The following GRM8 variants were observed in gnomAD, a reference collection of about 807,000 sequenced individuals.
GRM8 encodes the protein metabotropic glutamate receptor 8.
GRM8 carries 47 observed loss-of-function variants against 87.2 expected under a neutral mutation model. The ratio of observed to expected loss-of-function variants is 0.54; its 90% confidence interval spans 0.43 to 0.69. The LOEUF (loss-of-function observed/expected upper bound fraction) is 0.69, where lower values mean the gene tolerates loss of function less well. Ranked by LOEUF, GRM8 falls within the 30% of genes least tolerant of loss-of-function variation. GRM8 has a pLI of 0.00. For missense variants in GRM8, 1,019 were observed against 1,139.2 expected, an observed-to-expected ratio of 0.89 and a Z score of 1.52; for synonymous variants, 396 against 404.5, an observed-to-expected ratio of 0.98 and a Z score of 0.25.
At chr7:126,858,694 A>G (rs543514704) in intron 6 of GRM8, among the ~76,000 whole-genome samples, 47 of 152,288 alleles carry the variant, frequency 3.1e-4, no homozygotes, top group African/African-American at 1.1e-3. Context: ...GCCCTGCAAG[A>G]AAAGCAACGC....
chr7:126,597,175 G>A (rs1000398410), intron 8 of GRM8, among the ~76,000 whole-genome samples: 1 of 152,090 alleles, frequency 6.6e-6, no homozygotes, highest in Non-Finnish European at 1.5e-5. Flanking sequence ...AGTTTAGGAG[G>A]ATCCTAGCTT....
intron 3 of GRM8, among the ~76,000 whole-genome samples, chr7:127,070,186 G>C (rs1821534468): frequency 6.6e-6 from 1 of 152,080 alleles, no homozygotes. Flanking sequence ...ATTTGTACTT[G>C]AAATATTCTA....
At chr7:126,570,431 T>C (rs543313821) in intron 8 of GRM8, among the ~76,000 whole-genome samples, 12 of 152,188 alleles carry the variant, frequency 7.9e-5, no homozygotes, top group East Asian at 1.9e-4. Context: ...CCAGCTGCAA[T>C]AGCCTACTTC....
intron 6 of GRM8, among the ~76,000 whole-genome samples, chr7:126,872,170 T>G (rs1363760098): frequency 6.6e-6 from 1 of 152,192 alleles, no homozygotes; most frequent in Non-Finnish European, 1.5e-5. Flanking sequence ...GACTCTGCTG[T>G]TCTCAGGAGA....
chr7:126,562,829 A>T (rs12535152), intron 8 of GRM8, among the ~76,000 whole-genome samples: 1 of 151,970 alleles, frequency 6.6e-6, no homozygotes, highest in Admixed American at 6.6e-5. Context: ...CCCAGGAGGC[A>T]GATATTGCGG....
Position 126,462,476 on chromosome 7 carries a change from A to G in GRM8, c.2431-16104T>C, listed in dbSNP as rs568114909. Among the ~76,000 whole-genome samples, 3 of 151,746 alleles carry G rather than the reference A, an allele frequency of 2.0e-5. No homozygotes were observed. In the South Asian group the frequency reaches 6.2e-4, roughly 31 times the overall value. On this transcript the variant is annotated intron_variant, in intron 9 of 10. Coordinates refer to ENST00000339582, the MANE Select transcript of GRM8 (RefSeq NM_000845.3). Reference sequence around the variant, plus strand: ...AGTTAGATAGACGTTTGTGGATGGCATAAAGACAATTATCACATGTAATAT... The same window carrying G: ...AGTTAGATAGACGTTTGTGGATGGCGTAAAGACAATTATCACATGTAATAT...
At chr7:126,855,423 T>C (rs1201402342) in intron 6 of GRM8, among the ~76,000 whole-genome samples, 3 of 151,486 alleles carry the variant, frequency 2.0e-5, no homozygotes, top group African/African-American at 4.8e-5. Context: ...AAAGTCACGG[T>C]AGGAAGTCAC....
intron 6 of GRM8, among the ~76,000 whole-genome samples, chr7:126,858,957 G>A (rs964400285): frequency 2.0e-5 from 3 of 151,790 alleles, no homozygotes; most frequent in Non-Finnish European, 4.4e-5. Context: ...TCTTTTCTTG[G>A]CAGTCCCAGT....
intron 3 of GRM8, among the ~76,000 whole-genome samples, chr7:127,004,775 T>C (rs576703326): frequency 3.2e-4 from 49 of 151,816 alleles, no homozygotes; most frequent in Non-Finnish European, 5.8e-4. Context: ...TAGGTGAAAT[T>C]TGAGTTATTA....
At chr7:126,689,518 A>C (rs556701772) in intron 7 of GRM8, among the ~76,000 whole-genome samples, 1 of 152,322 alleles carries the variant, frequency 6.6e-6, no homozygotes, top group Non-Finnish European at 1.5e-5. Context: ...ACTGAATGAT[A>C]ATGTTATGGC....
chr7:126,790,001 C>A (rs1214595200), intron 6 of GRM8, among the ~76,000 whole-genome samples: 1 of 150,700 alleles, frequency 6.6e-6, no homozygotes, highest in Non-Finnish European at 1.5e-5. Flanking sequence ...TGTGAGAACA[C>A]ATTCTCTCTC....
At chr7:126,756,056 C>T (rs1180877187) in intron 7 of GRM8, among the ~76,000 whole-genome samples, 2 of 151,822 alleles carry the variant, frequency 1.3e-5, no homozygotes, top group East Asian at 1.9e-4. Context: ...ATGATACATA[C>T]ACACACAATT....
intron 9 of GRM8, chr7:126,447,207 C>G (rs1377215490): frequency 6.6e-6 from 1 of 151,718 alleles, no homozygotes; most frequent in East Asian, 2.0e-4. Flanking sequence ...AAAACCAAAG[C>G]TAAAATCACT....
chr7:126,785,930 T>G (rs1651109717), intron 6 of GRM8, among the ~76,000 whole-genome samples: 1 of 152,160 alleles, frequency 6.6e-6, no homozygotes, highest in Non-Finnish European at 1.5e-5. Context: ...TATATAACTA[T>G]GATCTCCTTG....
chr7:126,673,057 G>A (rs1415061311), intron 7 of GRM8, among the ~76,000 whole-genome samples: 1 of 152,170 alleles, frequency 6.6e-6, no homozygotes, highest in Non-Finnish European at 1.5e-5. Context: ...CAAGCGGCCT[G>A]CCCACTGCGG....
At chr7:126,481,167 GA>G (rs1806629778) in intron 9 of GRM8, among the ~76,000 whole-genome samples, 1 of 151,942 alleles carries the variant, frequency 6.6e-6, no homozygotes, top group African/African-American at 2.4e-5. Flanking sequence ...GAAGAGAAAG[GA>G]AAGCTTTTCC....
chr7:127,055,346 C>T (rs924276481), intron 3 of GRM8, among the ~76,000 whole-genome samples: 2 of 151,984 alleles, frequency 1.3e-5, no homozygotes, highest in Non-Finnish European at 2.9e-5. Context: ...AATTAATACG[C>T]TCAAATAAAG....
At chr7:126,965,515 G>A (rs1002994853) in intron 3 of GRM8, among the ~76,000 whole-genome samples, 5 of 151,872 alleles carry the variant, frequency 3.3e-5, no homozygotes, top group Non-Finnish European at 5.9e-5. Flanking sequence ...ATTTTAAAAA[G>A]TTTTTAAAAA....
chr7:126,878,386 C>A (rs1315020506), intron 6 of GRM8, among the ~76,000 whole-genome samples: 2 of 152,184 alleles, frequency 1.3e-5, no homozygotes, highest in African/African-American at 4.8e-5. Flanking sequence ...CAGGCATAGA[C>A]AGGACTTCAG....
Sources: gnomAD v4.1 joint callset for allele counts (sites outside exome capture counted in the v4.1 genomes callset) on GRCh38, gnomAD v4.1.1 for gene constraint, MANE v1.5 for transcripts, NCBI Gene and HGNC (gene_info 2026-07-23, HGNC 2026-07-21) for gene names.